GPR39: variants seen among roughly 807,000 people sequenced by gnomAD.
The protein encoded by GPR39 is zinc sensing receptor.
GPR39 carries 23 observed loss-of-function variants against 18.4 expected under a neutral mutation model. That is an observed-to-expected ratio of 1.25 (90% confidence interval 0.90 to 1.77). The LOEUF is 1.77. Among genes scored for constraint, GPR39 ranks in the 40% most tolerant of loss-of-function variants. The pLI is 0.00. For synonymous variants in GPR39, 280 were observed against 257.9 expected (o/e 1.09, Z -0.82); for missense variants, 647 against 602.4 (o/e 1.07, Z -0.78).
chr2:132,417,904 T>C lies in GPR39; in HGVS notation c.856+6T>C. 6.4e-7 allele frequency: 1 copy of C among 1,570,012 alleles called. No homozygotes were observed. Among genetic ancestry groups the C allele is most frequent in the Non-Finnish European group, 8.6e-7 (1 of 1,160,198 alleles). On this transcript the variant is annotated splice_donor_region_variant and intron_variant, in intron 1 of 1. Transcript: ENST00000329321. ...GCAGACCATCATCTTCCTGAGTGAG[T>C]CCTAAGTCGGGGGCAACACGTGAGC...
At chr2:132,437,498 C>T (rs982477127) in intron 1 of GPR39, among the ~76,000 whole-genome samples, 1 of 152,090 alleles carries the variant, frequency 6.6e-6, no homozygotes, top group Non-Finnish European at 1.5e-5. Context: ...TCTGCTCCCA[C>T]GGTGCTACCT....
At chr2:132,532,276 C>A (rs1272967428) in intron 1 of GPR39, among the ~76,000 whole-genome samples, 1 of 152,176 alleles carries the variant, frequency 6.6e-6, no homozygotes, top group African/African-American at 2.4e-5. Context: ...CACATACACC[C>A]TCCCAAGACT....
chr2:132,496,524 C>T (rs1010687341), intron 1 of GPR39, among the ~76,000 whole-genome samples: 1 of 152,162 alleles, frequency 6.6e-6, no homozygotes, highest in Non-Finnish European at 1.5e-5. Flanking sequence ...TGATCCCCAA[C>T]AAGGCAAATA....
At chr2:132,452,021 T>C (rs1396475997) in intron 1 of GPR39, among the ~76,000 whole-genome samples, 12 of 152,242 alleles carry the variant, frequency 7.9e-5, no homozygotes, top group Non-Finnish European at 1.6e-4. Flanking sequence ...GGTTCATTTC[T>C]TTTATAATGA....
chr2:132,426,326 C>T (rs1428936750), intron 1 of GPR39, among the ~76,000 whole-genome samples: 1 of 152,248 alleles, frequency 6.6e-6, no homozygotes, highest in Non-Finnish European at 1.5e-5. Context: ...TTGAGTCCCA[C>T]TGGCTGGATT....
intron 1 of GPR39, among the ~76,000 whole-genome samples, chr2:132,592,794 T>C (rs1054186496): frequency 2.6e-5 from 4 of 152,108 alleles, no homozygotes. Context: ...CTTGGATTGA[T>C]TGGATGCAGA....
At chr2:132,570,700 G>A (rs1452916365) in intron 1 of GPR39, among the ~76,000 whole-genome samples, 2 of 152,080 alleles carry the variant, frequency 1.3e-5, no homozygotes, top group Admixed American at 6.6e-5. Flanking sequence ...CCTAGCCCTC[G>A]GCAGTGTGGC....
chr2:132,462,369 G>A (rs537560254), intron 1 of GPR39, among the ~76,000 whole-genome samples: 2 of 152,286 alleles, frequency 1.3e-5, no homozygotes, highest in Admixed American at 6.5e-5. Flanking sequence ...GCACAGAACT[G>A]AAACCTACTT....
At position 132,577,521 on chromosome 2, in the gene GPR39, G is replaced by A. The variant is rs147035189; in HGVS notation, c.857-67580G>A. 1.5e-3 allele frequency among the ~76,000 whole-genome samples: 225 copies of A among 151,472 alleles called. 1 individual carries two copies. Among genetic ancestry groups the A allele is most frequent in the African/African-American group, 5.2e-3 (214 of 40,802 alleles). ...TACTATATTGAGTCTTATAATTTATGAACATGTAAGTCTCTGTTTATTTAG... is the reference window on the plus strand; with the variant it reads ...TACTATATTGAGTCTTATAATTTATAAACATGTAAGTCTCTGTTTATTTAG... On this transcript the variant is annotated intron_variant, in intron 1 of 1. Coordinates refer to ENST00000329321, the MANE Select transcript of GPR39 (RefSeq NM_001508.3).
chr2:132,551,793 A>G (rs1240888546), intron 1 of GPR39, among the ~76,000 whole-genome samples: 11 of 142,314 alleles, frequency 7.7e-5, no homozygotes, highest in East Asian at 2.0e-4. Context: ...AATATTGACA[A>G]GTGGTTAAAT....
chr2:132,551,398 G>A (rs966691765), intron 1 of GPR39, among the ~76,000 whole-genome samples: 1 of 152,188 alleles, frequency 6.6e-6, no homozygotes, highest in East Asian at 1.9e-4. Context: ...GCTTAGATTA[G>A]TCATGACCCT....
chr2:132,427,110 TATAATATACATATATAGGTACA>T (rs1680133411), intron 1 of GPR39, among the ~76,000 whole-genome samples: 1 of 128,320 alleles, frequency 7.8e-6, no homozygotes, highest in African/African-American at 3.0e-5. Context: ...TACATATATA[TATAATATACATATATAGGTACA>T]TATATATATA....
chr2:132,524,113 A>G (rs548202020), intron 1 of GPR39, among the ~76,000 whole-genome samples: 1 of 152,294 alleles, frequency 6.6e-6, no homozygotes, highest in East Asian at 1.9e-4. Context: ...GAGAACCACC[A>G]TTATAGGGAA....
At chr2:132,535,027 A>G (rs1233125570) in intron 1 of GPR39, among the ~76,000 whole-genome samples, 1 of 151,844 alleles carries the variant, frequency 6.6e-6, no homozygotes, top group Non-Finnish European at 1.5e-5. Flanking sequence ...GCAAACGGAG[A>G]TAGTTTGACT....
rs548570910 is a variant in GPR39 at position 132,469,444 on chromosome 2, G to C, written c.856+51546G>C. Among the ~76,000 whole-genome samples the C allele has an allele frequency of 3.3e-5, 5 of 152,294 alleles. No homozygotes were observed. The South Asian group carries it at 1.0e-3, about 32-fold the overall frequency. On this transcript the variant is annotated intron_variant, in intron 1 of 1. Coordinates refer to ENST00000329321, the MANE Select transcript of GPR39 (RefSeq NM_001508.3). ...GGAGTGCTTTTGGAATACATTACAG[G>C]GTAATTCCCTTTGCCCTTTATTGCC... is the stretch of plus-strand genomic sequence containing the variant.
Position 132,583,041 on chromosome 2 carries a change from G to A in GPR39, c.857-62060G>A, listed in dbSNP as rs1680656409. On this transcript the variant is annotated intron_variant, in intron 1 of 1. Transcript: ENST00000329321. ...TGATCCCAAGTGGCTGGAACTACAA[G>A]TACCTGCCACCATACCCAGCTAATT... Among the ~76,000 whole-genome samples, 3 of 148,668 alleles carry A rather than the reference G, an allele frequency of 2.0e-5. No homozygotes were observed. In the South Asian group the frequency reaches 6.4e-4, roughly 32 times the overall value.
At chr2:132,492,556 TATATA>T (rs1681501090) in intron 1 of GPR39, among the ~76,000 whole-genome samples, 1 of 141,474 alleles carries the variant, frequency 7.1e-6, no homozygotes, top group African/African-American at 2.6e-5. Flanking sequence ...ATATACACCA[TATATA>T]CGATATATAC....
At chr2:132,531,065 G>T (rs2104775585) in intron 1 of GPR39, among the ~76,000 whole-genome samples, 1 of 152,264 alleles carries the variant, frequency 6.6e-6, no homozygotes, top group South Asian at 2.1e-4. Flanking sequence ...TGGCAAATTG[G>T]ATAAAGAGTC....
chr2:132,623,143 T>C (rs893486095), intron 1 of GPR39, among the ~76,000 whole-genome samples: 13 of 151,876 alleles, frequency 8.6e-5, no homozygotes, highest in African/African-American at 3.1e-4. Context: ...TTAATGAGAT[T>C]TTATGGTTTG....
Sources: gnomAD v4.1 joint callset for allele counts (sites outside exome capture counted in the v4.1 genomes callset) on GRCh38, gnomAD v4.1.1 for gene constraint, MANE v1.5 for transcripts, NCBI Gene and HGNC (gene_info 2026-07-23, HGNC 2026-07-21) for gene names.